The following CTNND2 variants were observed in gnomAD, a reference collection of about 807,000 sequenced individuals.
CTNND2 encodes the protein catenin delta-2.
In CTNND2, 22 loss-of-function variants were observed where a neutral mutation model predicts 144.4. The ratio of observed to expected loss-of-function variants is 0.15; its 90% CI spans 0.11 to 0.22. The LOEUF (loss-of-function observed/expected upper bound fraction) is 0.22, where lower values mean the gene tolerates loss of function less well. Ranked by LOEUF, CTNND2 falls within the 10% of genes least tolerant of loss-of-function variation. CTNND2 has a pLI of 1.00. For synonymous variants in CTNND2, 751 were observed against 695.6 expected, an observed-to-expected ratio of 1.08 and a Z score of -1.25; for missense variants, 1,353 against 1,618.8, an observed-to-expected ratio of 0.84 and a Z score of 2.82.
intron 3 of CTNND2, among the ~76,000 whole-genome samples, chr5:11,448,648 T>C (rs958834620): frequency 1.3e-5 from 2 of 152,182 alleles, no homozygotes; most frequent in African/African-American, 2.4e-5. Context: ...AAAATGTTTG[T>C]GTTTACATTA....
chr5:11,643,760 AT>A (rs1782196067), intron 2 of CTNND2, among the ~76,000 whole-genome samples: 2 of 152,090 alleles, frequency 1.3e-5, no homozygotes, highest in African/African-American at 4.8e-5. Context: ...TGTTTTTTCT[AT>A]TTTTTCCCAA....
At chr5:11,601,022 A>C (rs1271079738) in intron 2 of CTNND2, among the ~76,000 whole-genome samples, 1 of 152,116 alleles carries the variant, frequency 6.6e-6, no homozygotes, top group East Asian at 1.9e-4. Flanking sequence ...TAAAACAGCA[A>C]GGTTTTTTTT....
chr5:11,140,893 C>T lies in CTNND2; in HGVS notation c.2159+18683G>A, dbSNP rs1189287783. Among the ~76,000 whole-genome samples, 4 of 152,258 alleles carry T rather than the reference C, an allele frequency of 2.6e-5. No individual in the cohort carries two copies. The East Asian group carries it at 7.7e-4, about 29-fold the overall frequency. ...TGGCTCTGGGTTGGAAGGTAAGAGACAATTACTAATACTATTTTTATTCCT... is the reference window on the plus strand; with the variant it reads ...TGGCTCTGGGTTGGAAGGTAAGAGATAATTACTAATACTATTTTTATTCCT... On this transcript the variant is annotated intron_variant, in intron 12 of 21. Coordinates refer to ENST00000304623, the MANE Select transcript of CTNND2 (RefSeq NM_001332.4).
intron 1 of CTNND2, among the ~76,000 whole-genome samples, chr5:11,843,686 TTA>T (rs1329575654): frequency 1.3e-5 from 2 of 152,202 alleles, no homozygotes; most frequent in African/African-American, 4.8e-5. Flanking sequence ...ATAATGCGAC[TTA>T]TATTTCACTA....
chr5:11,271,588 G>A (rs528474533), intron 9 of CTNND2, among the ~76,000 whole-genome samples: 3 of 152,124 alleles, frequency 2.0e-5, no homozygotes, highest in Admixed American at 6.6e-5. Context: ...CTGCCACCTG[G>A]ACAGTAATCT....
chr5:11,887,888 G>C (rs953928969), intron 1 of CTNND2, among the ~76,000 whole-genome samples: 1 of 152,136 alleles, frequency 6.6e-6, no homozygotes, highest in Admixed American at 6.5e-5. Context: ...TGAGGTTATG[G>C]GCTTTGGGGA....
chr5:11,452,995 GTACTGTAT>G (rs1456860314), intron 3 of CTNND2, among the ~76,000 whole-genome samples: 2 of 152,170 alleles, frequency 1.3e-5, no homozygotes, highest in Non-Finnish European at 2.9e-5. Flanking sequence ...TGTGTTTGAA[GTACTGTAT>G]ATTTGCCTCT....
intron 3 of CTNND2, among the ~76,000 whole-genome samples, chr5:11,472,218 G>A (rs901895695): frequency 6.6e-6 from 1 of 152,102 alleles, no homozygotes; most frequent in African/African-American, 2.4e-5. Flanking sequence ...AATCTCAACT[G>A]TTGTAAATTC....
intron 1 of CTNND2, among the ~76,000 whole-genome samples, chr5:11,741,209 C>G (rs1440288954): frequency 6.6e-6 from 1 of 152,132 alleles, no homozygotes. Context: ...CAAGCAATCC[C>G]ATTACTGGCT....
chr5:11,306,882 A>T (rs1229716362), intron 9 of CTNND2, among the ~76,000 whole-genome samples: 1 of 152,178 alleles, frequency 6.6e-6, no homozygotes, highest in South Asian at 2.1e-4. Context: ...TTCTGCCTCA[A>T]AACAGAGGAC....
intron 14 of CTNND2, 120 bp downstream of exon 14, chr5:11,110,738 T>C (rs1752881631): frequency 2.2e-6 from 2 of 906,102 alleles, no homozygotes; most frequent in South Asian, 2.0e-5. Context: ...ATTGTGCAGA[T>C]GCATTAGTGA....
At chr5:11,598,526 TA>T (rs1779630314) in intron 2 of CTNND2, among the ~76,000 whole-genome samples, 1 of 152,222 alleles carries the variant, frequency 6.6e-6, no homozygotes, top group African/African-American at 2.4e-5. Flanking sequence ...TGATTACATT[TA>T]AATGGTATAG....
At chr5:11,258,997 C>G (rs913511497) in intron 9 of CTNND2, among the ~76,000 whole-genome samples, 5 of 152,142 alleles carry the variant, frequency 3.3e-5, no homozygotes, top group Admixed American at 6.5e-5. Flanking sequence ...GCTACAGTTC[C>G]CGTGATTTAA....
Position 11,159,804 on chromosome 5 carries a change from T to C in CTNND2, c.1976-45A>G, listed in dbSNP as rs757028936. ...AGAGGTTTTGGGTGGCCACAAGTTTTTCTCATCTCCAAAACTGTCTTCCTT... is the reference window on the plus strand; with the variant it reads ...AGAGGTTTTGGGTGGCCACAAGTTTCTCTCATCTCCAAAACTGTCTTCCTT... On this transcript the variant is annotated intron_variant, in intron 11 of 21. Transcript: ENST00000304623. The C allele has an allele frequency of 6.2e-6, 9 of 1,455,608 alleles. No homozygotes were observed. In the African/African-American group the frequency reaches 1.3e-4, roughly 21 times the overall value. The allele number at this position is 1,455,608 out of a possible 1,614,324, so 90.2% of individuals were successfully genotyped here.
chr5:11,476,580 A>G (rs568985811), intron 3 of CTNND2, among the ~76,000 whole-genome samples: 1 of 152,248 alleles, frequency 6.6e-6, no homozygotes, highest in South Asian at 2.1e-4. Context: ...TTCCCCATAC[A>G]ATCAGCTTCC....
At chr5:11,817,685 AGGGCAT>A (rs1193241580) in intron 1 of CTNND2, among the ~76,000 whole-genome samples, 1 of 152,106 alleles carries the variant, frequency 6.6e-6, no homozygotes, top group African/African-American at 2.4e-5. Flanking sequence ...TATATGTGGA[AGGGCAT>A]CTCCACGCTC....
chr5:11,586,065 G>A (rs542454931), intron 2 of CTNND2, among the ~76,000 whole-genome samples: 2 of 152,178 alleles, frequency 1.3e-5, no homozygotes, highest in Non-Finnish European at 2.9e-5. Context: ...TCTGCATAGA[G>A]TAGTAACATG....
In CTNND2 at chr5:11,485,892, A is replaced by C. The variant is rs553308110; in HGVS notation, c.288-73823T>G. Among the ~76,000 whole-genome samples the C allele has an allele frequency of 9.2e-5, 14 of 152,354 alleles. No individual in the cohort carries two copies. The East Asian group carries it at 1.9e-3, about 21-fold the overall frequency. On this transcript the variant is annotated intron_variant, in intron 3 of 21. Coordinates refer to ENST00000304623, the MANE Select transcript of CTNND2 (RefSeq NM_001332.4). ...GATGCAAAAGGCAAAAGTTATAAAGAAGAGTAAATCAAATTAAAATTTCAC... is the reference window on the plus strand; with the variant it reads ...GATGCAAAAGGCAAAAGTTATAAAGCAGAGTAAATCAAATTAAAATTTCAC...
At chr5:10,976,551 G>GGGT (rs1485006633) in intron 21 of CTNND2, among the ~76,000 whole-genome samples, 1 of 152,166 alleles carries the variant, frequency 6.6e-6, no homozygotes. Context: ...TTTTGGAAAG[G>GGGT]GGTGGTGACC....
Sources: gnomAD v4.1 joint callset for allele counts (sites outside exome capture counted in the v4.1 genomes callset) on GRCh38, gnomAD v4.1.1 for gene constraint, MANE v1.5 for transcripts, NCBI Gene and HGNC (gene_info 2026-07-23, HGNC 2026-07-21) for gene names.